Variants in CCDC60 observed in about 807,000 individuals in gnomAD.
CCDC60 encodes coiled-coil domain containing 60, also known as coiled-coil domain-containing protein 60.
Under a neutral mutation model 63.5 loss-of-function variants are expected in CCDC60, and 54 were observed. That is an observed-to-expected ratio of 0.85 (90% CI 0.68 to 1.07). The LOEUF (loss-of-function observed/expected upper bound fraction) is 1.07, where lower values mean the gene tolerates loss of function less well. Ranked by LOEUF, CCDC60 falls within the 50% of genes least tolerant of loss-of-function variation. CCDC60 has a pLI of 0.00. For synonymous variants in CCDC60, 206 were observed against 238.8 expected (o/e 0.86, Z 1.27); for missense variants, 651 against 684.3 (o/e 0.95, Z 0.54).
At chr12:119,350,169 T>TATTA (rs1955640660) in intron 1 of CCDC60, among the ~76,000 whole-genome samples, 1 of 132,176 alleles carries the variant, frequency 7.6e-6, no homozygotes, top group Non-Finnish European at 1.6e-5. Context: ...TTCTTTGCTT[T>TATTA]ATTATTTATT....
intron 3 of CCDC60, among the ~76,000 whole-genome samples, chr12:119,478,539 C>G (rs963656784): frequency 6.6e-6 from 1 of 151,518 alleles, no homozygotes; most frequent in African/African-American, 2.4e-5. Flanking sequence ...ACTAGTATGC[C>G]GCATGATTTA....
At chr12:119,520,905 T>C (rs1056509184) in intron 9 of CCDC60, among the ~76,000 whole-genome samples, 1 of 152,134 alleles carries the variant, frequency 6.6e-6, no homozygotes, top group Non-Finnish European at 1.5e-5. Context: ...CATTAGCAAA[T>C]GAAACAAACA....
intron 1 of CCDC60, among the ~76,000 whole-genome samples, chr12:119,409,623 A>G (rs1024496024): frequency 6.6e-6 from 1 of 152,198 alleles, no homozygotes; most frequent in Non-Finnish European, 1.5e-5. Context: ...TTTTGCAAAC[A>G]TAGAAGACTG....
chr12:119,451,191 A>G (rs1950628246), intron 2 of CCDC60, among the ~76,000 whole-genome samples: 1 of 152,346 alleles, frequency 6.6e-6, no homozygotes, highest in East Asian at 1.9e-4. Flanking sequence ...TTTTTCCACA[A>G]GATGTACATC....
chr12:119,369,290 C>A (rs1054008443), intron 1 of CCDC60, among the ~76,000 whole-genome samples: 2 of 152,178 alleles, frequency 1.3e-5, no homozygotes, highest in South Asian at 2.1e-4. Context: ...CACAAAGCAC[C>A]AAGCTCATCT....
intron 1 of CCDC60, among the ~76,000 whole-genome samples, chr12:119,408,023 T>A (rs755086653): frequency 1.3e-4 from 20 of 152,216 alleles, no homozygotes; most frequent in Non-Finnish European, 2.5e-4. Context: ...AGGTTTTTTT[T>A]AAATGCATAT....
intron 1 of CCDC60, among the ~76,000 whole-genome samples, chr12:119,413,266 G>A (rs1035187012): frequency 4.6e-5 from 7 of 152,148 alleles, no homozygotes; most frequent in African/African-American, 1.7e-4. Flanking sequence ...CATTGATGCT[G>A]GCAGCCAATT....
chr12:119,335,981 A>T (rs1303952603), intron 1 of CCDC60, among the ~76,000 whole-genome samples: 1 of 151,486 alleles, frequency 6.6e-6, no homozygotes, highest in Non-Finnish European at 1.5e-5. Context: ...ATTCTCAGTA[A>T]ACTATCGCAA....
At chr12:119,386,897 G>A (rs538472801) in intron 1 of CCDC60, among the ~76,000 whole-genome samples, 2 of 152,128 alleles carry the variant, frequency 1.3e-5, no homozygotes, top group East Asian at 1.9e-4. Context: ...GAGCAGAGCC[G>A]GTGCTGGAAA....
intron 1 of CCDC60, among the ~76,000 whole-genome samples, chr12:119,416,734 G>T (rs1383838189): frequency 1.3e-5 from 2 of 152,162 alleles, no homozygotes; most frequent in African/African-American, 2.4e-5. Flanking sequence ...TGCTTATTTT[G>T]CTGGTTATCT....
chr12:119,398,110 G>A (rs1423591340), intron 1 of CCDC60, among the ~76,000 whole-genome samples: 1 of 131,614 alleles, frequency 7.6e-6, no homozygotes, highest in Non-Finnish European at 1.7e-5. Context: ...CGGTGTGGGG[G>A]GAGGAAGGGG....
intron 1 of CCDC60, among the ~76,000 whole-genome samples, chr12:119,392,138 A>T (rs983917376): frequency 6.6e-6 from 1 of 152,170 alleles, no homozygotes; most frequent in African/African-American, 2.4e-5. Context: ...TGGAGTTCAG[A>T]TGTAGGAGAT....
intron 7 of CCDC60, among the ~76,000 whole-genome samples, chr12:119,506,324 C>T (rs1951999899): frequency 6.6e-6 from 1 of 151,220 alleles, no homozygotes; most frequent in African/African-American, 2.4e-5. Flanking sequence ...CCAATTAGGC[C>T]AGGCATGGTG....
intron 13 of CCDC60, among the ~76,000 whole-genome samples, chr12:119,536,190 G>A (rs1696060597): frequency 6.6e-6 from 1 of 152,028 alleles, no homozygotes; most frequent in South Asian, 2.1e-4. Flanking sequence ...TGTCTCTTTT[G>A]ATCTTTGTTG....
At chr12:119,364,359 C>T (rs531759306) in intron 1 of CCDC60, among the ~76,000 whole-genome samples, 97 of 152,278 alleles carry the variant, frequency 6.4e-4, no homozygotes, top group Non-Finnish European at 9.0e-4. Context: ...ACCTCTCATA[C>T]CCATTTGAAG....
intron 1 of CCDC60, among the ~76,000 whole-genome samples, chr12:119,382,493 C>T (rs935312702): frequency 1.3e-5 from 2 of 150,414 alleles, no homozygotes; most frequent in African/African-American, 4.8e-5. Flanking sequence ...GAAAAGTATT[C>T]GTAACAGGGG....
rs1020677241 is a variant in CCDC60 at position 119,334,916 on chromosome 12, G to C, written c.-261G>C. 1 of 349,332 alleles carries C rather than the reference G, an allele frequency of 2.9e-6. No homozygotes were observed. Among genetic ancestry groups the C allele is most frequent in the Non-Finnish European group, 5.1e-6 (1 of 195,752 alleles). 21.6% of individuals were successfully genotyped at this position (349,332 alleles called of 1,614,324 possible). On this transcript the variant is annotated 5_prime_UTR_variant, in exon 1 of 14. Transcript: ENST00000327554. Reference sequence around the variant, plus strand: ...CCTTCCGAAGAGGAGGAAGCTTACAGAAGTTTATAACCTTTCAAAAAGTAA... The same window carrying C: ...CCTTCCGAAGAGGAGGAAGCTTACACAAGTTTATAACCTTTCAAAAAGTAA...
chr12:119,358,375 C>G (rs1016915911), intron 1 of CCDC60, among the ~76,000 whole-genome samples: 2 of 152,150 alleles, frequency 1.3e-5, no homozygotes, highest in African/African-American at 2.4e-5. Flanking sequence ...CTTTCTCACC[C>G]CTCTCTTGCC....
chr12:119,393,005 A>C (rs1413588666), intron 1 of CCDC60, among the ~76,000 whole-genome samples: 1 of 152,168 alleles, frequency 6.6e-6, no homozygotes. Context: ...AATACAAAAA[A>C]TTAAAAATAT....
Sources: allele counts gnomAD v4.1 joint callset (sites outside exome capture counted in the v4.1 genomes callset), GRCh38; gene constraint gnomAD v4.1.1; transcripts MANE v1.5; gene names NCBI Gene and HGNC (gene_info 2026-07-23, HGNC 2026-07-21).